The following FRA10AC1 variants were observed in gnomAD, a reference collection of about 807,000 sequenced individuals.
FRA10AC1 encodes FRA10A associated CGG repeat 1.
Under a neutral mutation model 56.5 loss-of-function variants are expected in FRA10AC1, and 43 were observed. The ratio of observed to expected loss-of-function variants is 0.76; its 90% CI spans 0.60 to 0.98. The LOEUF is 0.98. Among genes scored for constraint, FRA10AC1 ranks in the 50% least tolerant of loss-of-function variants. FRA10AC1 has a pLI of 0.00. For synonymous variants in FRA10AC1, 112 were observed against 110.5 expected (o/e 1.01, Z -0.09); for missense variants, 346 against 351.8 (o/e 0.98, Z 0.13).
At chr10:93,691,069 T>C (rs1228327949) in intron 7 of FRA10AC1, among the ~76,000 whole-genome samples, 6 of 152,204 alleles carry the variant, frequency 3.9e-5, no homozygotes, top group Non-Finnish European at 5.9e-5. Flanking sequence ...AATACAAATA[T>C]ACAGTATCTA....
chr10:93,688,109 C>A (rs751265927), intron 7 of FRA10AC1, among the ~76,000 whole-genome samples: 5 of 152,086 alleles, frequency 3.3e-5, no homozygotes, highest in Admixed American at 6.6e-5. Context: ...AACTTGGAAG[C>A]AACCAAGATG....
In FRA10AC1 at chr10:93,698,150, T is replaced by C; in HGVS notation, c.205A>G (p.Ile69Val). Residue 69 changes from isoleucine (I) to valine (V), a missense_variant, in exon 4 of 14, where the codon ATA becomes GTA. Transcript: ENST00000359204. ...EEARNRRFHL[I>V]AMDAYQRHTK... ...AAAAAGGATACAGCATCCATAGCTATGAGATGAAACCTTCTATTTCTTGCT... is the reference window on the plus strand; with the variant it reads ...AAAAAGGATACAGCATCCATAGCTACGAGATGAAACCTTCTATTTCTTGCT... The C allele has an allele frequency of 6.4e-7, 1 of 1,569,130 alleles. No individual in the cohort carries two copies. The highest frequency in any genetic ancestry group is 1.4e-5 in the African/African-American group (1 of 73,256).
intron 12 of FRA10AC1, chr10:93,674,389 A>C (rs1237483241): frequency 1.3e-5 from 2 of 152,330 alleles, no homozygotes; most frequent in East Asian, 3.9e-4. Context: ...AAAGAGCAAA[A>C]TGTGAGGTCT....
At chr10:93,693,655 T>C (rs1436329748) in intron 5 of FRA10AC1, among the ~76,000 whole-genome samples, 2 of 105,154 alleles carry the variant, frequency 1.9e-5, no homozygotes, top group African/African-American at 5.6e-5. Context: ...CATATATATA[T>C]ACCATATATA....
intron 7 of FRA10AC1, among the ~76,000 whole-genome samples, chr10:93,690,519 T>C (rs1232575833): frequency 6.6e-6 from 1 of 152,094 alleles, no homozygotes; most frequent in Non-Finnish European, 1.5e-5. Context: ...TCACCATGTA[T>C]TAACCCACAG....
chr10:93,699,546 G>A (rs1195670553), intron 2 of FRA10AC1, among the ~76,000 whole-genome samples: 1 of 152,062 alleles, frequency 6.6e-6, no homozygotes, highest in Non-Finnish European at 1.5e-5. Context: ...TTTGTCTCTT[G>A]CAATTCAAAA....
In FRA10AC1 at chr10:93,702,515, A is replaced by AACCACC. The variant is rs561510812; in HGVS notation, c.-147_-142dup. ...GCGCCCTGCCGCACAGCCTCGCCAC[A>AACCACC]ACCACCACCGCCGCCGCCGCCGCCG... On this transcript the variant is annotated 5_prime_UTR_variant, in exon 1 of 14. Coordinates refer to ENST00000359204, the MANE Select transcript of FRA10AC1 (RefSeq NM_145246.5). The AACCACC allele has an allele frequency of 5.4e-4, 99 of 182,228 alleles. No individual in the cohort carries two copies. The highest frequency in any genetic ancestry group is 1.5e-3 in the African/African-American group (56 of 38,550). 11.3% of individuals were successfully genotyped at this position (182,228 alleles called of 1,614,324 possible). A position where few individuals can be genotyped will look rare whatever the true frequency, so the allele number is the denominator to read the frequency against.
chr10:93,670,635 A>C (rs2058745676), intron 13 of FRA10AC1, 135 bp downstream of exon 13: 1 of 526,416 alleles, frequency 1.9e-6, no homozygotes, highest in South Asian at 3.7e-5. Flanking sequence ...AATAAGCTCT[A>C]ATCTTACCAG....
intron 11 of FRA10AC1, 90 bp from the exon 12 acceptor site, chr10:93,676,781 G>A: frequency 7.0e-7 from 1 of 1,430,812 alleles, no homozygotes; most frequent in Non-Finnish European, 9.2e-7. Context: ...CAATATTCTA[G>A]TTTGCTTATA....
chr10:93,701,733 C>A (rs188632914), intron 1 of FRA10AC1, among the ~76,000 whole-genome samples: 6 of 152,206 alleles, frequency 3.9e-5, no homozygotes, highest in Non-Finnish European at 7.4e-5. Flanking sequence ...TCTGTTCAAG[C>A]CATATTGTCC....
intron 12 of FRA10AC1, chr10:93,673,675 TTA>T: frequency 2.6e-6 from 1 of 382,986 alleles, no homozygotes; most frequent in South Asian, 2.0e-5. Context: ...AACACAGGAT[TTA>T]TATGTCTGTA....
chr10:93,693,123 T>A (rs561571375), intron 5 of FRA10AC1, among the ~76,000 whole-genome samples: 5 of 152,030 alleles, frequency 3.3e-5, no homozygotes, highest in African/African-American at 1.2e-4. Flanking sequence ...TATCTCATTT[T>A]ACTAGTTTCC....
intron 9 of FRA10AC1, among the ~76,000 whole-genome samples, chr10:93,684,617 A>AT (rs2058994164): frequency 6.6e-6 from 1 of 151,840 alleles, no homozygotes; most frequent in Admixed American, 6.6e-5. Context: ...ATGTGGGGAC[A>AT]TTCTTGACTT....
chr10:93,686,643 T>C (rs1181056130), intron 8 of FRA10AC1, among the ~76,000 whole-genome samples: 1 of 101,838 alleles, frequency 9.8e-6, no homozygotes, highest in Admixed American at 1.1e-4. Flanking sequence ...TTATGGAAGA[T>C]ATATATGAGC....
At position 93,684,304 on chromosome 10, in the gene FRA10AC1, T is replaced by C. The variant is rs7079464; in HGVS notation, c.626-206A>G. 0.021 allele frequency among the ~76,000 whole-genome samples: 3,246 copies of C among 152,236 alleles called. 121 individuals carry two copies. Among genetic ancestry groups the C allele is most frequent in the African/African-American group, 0.074 (3,071 of 41,522 alleles). The stretch of plus-strand genomic sequence containing the variant: ...ATAATAAAAATATTAGCTTGAGGAA[T>C]TGAAAATAACACTATTTTAGAAAAA... On this transcript the variant is annotated intron_variant, in intron 9 of 13. Transcript: ENST00000359204.
intron 10 of FRA10AC1, among the ~76,000 whole-genome samples, chr10:93,682,646 T>TA (rs1202097785): frequency 2.0e-5 from 3 of 151,076 alleles, no homozygotes; most frequent in African/African-American, 4.9e-5. Context: ...ACAAAAACTT[T>TA]AAAAAAAAAT....
Position 93,698,316 on chromosome 10 carries a change from G to T in FRA10AC1, c.158C>A (p.Ala53Glu). 1 of 1,609,578 alleles carries T rather than the reference G, an allele frequency of 6.2e-7. No homozygotes were observed. Among genetic ancestry groups the T allele is most frequent in the Non-Finnish European group, 8.5e-7 (1 of 1,176,988 alleles). The change falls in exon 3 of 14, where the codon GCA (alanine) becomes GAA (glutamate). Residue 53 changes from alanine (A) to glutamate (E), a missense_variant. Physicochemically the swap from Ala to Glu is moderately radical, Grantham distance 107 (BLOSUM62 -1). Transcript: ENST00000359204. Reference protein sequence around the residue: ...HGKVAHKQVAAELLDREEARN... With the variant: ...HGKVAHKQVAEELLDREEARN... Reference sequence around the variant, plus strand: ...AATACCATACCTATCCAGCAATTCTGCTGCAACTTGTTTATGGGCCACCTT... The same window carrying T: ...AATACCATACCTATCCAGCAATTCTTCTGCAACTTGTTTATGGGCCACCTT...
At chr10:93,694,350 C>A (rs2059191711) in intron 5 of FRA10AC1, among the ~76,000 whole-genome samples, 1 of 151,946 alleles carries the variant, frequency 6.6e-6, no homozygotes, top group South Asian at 2.1e-4. Flanking sequence ...CTACCTGAGG[C>A]CTGTCCAAAA....
At chr10:93,691,586 T>C (rs2059125354) in intron 7 of FRA10AC1, among the ~76,000 whole-genome samples, 1 of 152,224 alleles carries the variant, frequency 6.6e-6, no homozygotes, top group South Asian at 2.1e-4. Context: ...ATTTATGTAA[T>C]AGAAGATGTG....
Sources: allele counts gnomAD v4.1 joint callset (sites outside exome capture counted in the v4.1 genomes callset), GRCh38; gene constraint gnomAD v4.1.1; transcripts MANE v1.5; gene names NCBI Gene and HGNC (gene_info 2026-07-23, HGNC 2026-07-21).